SPSB4: variants seen among roughly 807,000 people sequenced by gnomAD.
The protein encoded by SPSB4 is SPRY domain-containing SOCS box protein 4.
Under a neutral mutation model 20.9 loss-of-function variants are expected in SPSB4, and 21 were observed. The ratio of observed to expected loss-of-function variants is 1.01; its 90% CI spans 0.71 to 1.45. The LOEUF (loss-of-function observed/expected upper bound fraction) is 1.45. Ranked by LOEUF, SPSB4 falls within the 40% of genes most tolerant of loss-of-function variation. The pLI, the probability that SPSB4 is intolerant of heterozygous loss-of-function variation, is 0.00. For missense variants in SPSB4, 399 were observed against 399.2 expected, an observed-to-expected ratio of 1.00 and a Z score of 0.00; for synonymous variants, 207 against 183.8, an observed-to-expected ratio of 1.13 and a Z score of -1.02.
chr3:141,089,548 TGGAG>T (rs1456349325), intron 2 of SPSB4, among the ~76,000 whole-genome samples: 1 of 151,028 alleles, frequency 6.6e-6, no homozygotes, highest in East Asian at 2.0e-4. Context: ...TGAACAAAGG[TGGAG>T]GGAGGAGATG....
chr3:141,067,375 C>A (rs1937908214), intron 2 of SPSB4, among the ~76,000 whole-genome samples: 1 of 152,198 alleles, frequency 6.6e-6, no homozygotes, highest in African/African-American at 2.4e-5. Context: ...CCTCTTATCT[C>A]CAGCCGACTG....
At chr3:141,103,166 C>T (rs1212634276) in intron 2 of SPSB4, among the ~76,000 whole-genome samples, 2 of 152,212 alleles carry the variant, frequency 1.3e-5, no homozygotes, top group Non-Finnish European at 2.9e-5. Context: ...CCTACACTGG[C>T]CTGGAGCCAT....
chr3:141,085,698 C>T (rs577501318), intron 2 of SPSB4, among the ~76,000 whole-genome samples: 11 of 152,354 alleles, frequency 7.2e-5, no homozygotes, highest in African/African-American at 2.4e-4. Flanking sequence ...ATTCTGCAGC[C>T]CAATCTTACG....
Position 141,066,318 on chromosome 3 carries a change from C to T in SPSB4, c.214C>T (p.Arg72Trp). ...SLNVFVKDDD[R>W]LTFHRHPVAQ... ...CAACGTCTTCGTCAAGGACGACGAC[C>T]GGCTCACCTTCCACCGGCACCCCGT... The change falls in exon 2 of 3, where the codon CGG becomes TGG. Residue 72 changes from arginine to tryptophan, a missense_variant. Coordinates refer to ENST00000310546, the MANE Select transcript of SPSB4 (RefSeq NM_080862.3). 1.3e-6 allele frequency: 2 copies of T among 1,572,760 alleles called. No homozygotes were observed. Among genetic ancestry groups the T allele is most frequent in the East Asian group, 2.4e-5 (1 of 41,888 alleles).
At chr3:141,069,258 C>G (rs958640208) in intron 2 of SPSB4, among the ~76,000 whole-genome samples, 1 of 152,180 alleles carries the variant, frequency 6.6e-6, no homozygotes, top group Non-Finnish European at 1.5e-5. Flanking sequence ...GGGACAATCT[C>G]TGACTCCAGA....
intron 2 of SPSB4, among the ~76,000 whole-genome samples, chr3:141,101,027 G>T (rs1294128337): frequency 1.3e-5 from 2 of 152,240 alleles, no homozygotes; most frequent in Non-Finnish European, 2.9e-5. Flanking sequence ...CTCCCAGACA[G>T]CAGAGGGCTG....
intron 2 of SPSB4, among the ~76,000 whole-genome samples, chr3:141,101,789 A>G (rs1938615978): frequency 6.6e-6 from 1 of 152,236 alleles, no homozygotes; most frequent in South Asian, 2.1e-4. Context: ...TAGAAGATGC[A>G]CCGATAACGT....
intron 2 of SPSB4, among the ~76,000 whole-genome samples, chr3:141,108,137 T>C (rs1173967970): frequency 6.6e-6 from 1 of 151,948 alleles, no homozygotes; most frequent in Admixed American, 6.5e-5. Flanking sequence ...TCTTACTGAA[T>C]TCACAGAGCT....
chr3:141,146,549 G>A (rs1325774157), intron 2 of SPSB4, among the ~76,000 whole-genome samples: 1 of 152,164 alleles, frequency 6.6e-6, no homozygotes, highest in Non-Finnish European at 1.5e-5. Context: ...GGCCGAGAAG[G>A]GCGATCACGA....
At chr3:141,076,241 G>T (rs977172158) in intron 2 of SPSB4, among the ~76,000 whole-genome samples, 2 of 152,200 alleles carry the variant, frequency 1.3e-5, no homozygotes, top group Non-Finnish European at 2.9e-5. Context: ...GGCCTTGCTT[G>T]GCCCTGCTCC....
chr3:141,062,905 T>C (rs1365525208), intron 1 of SPSB4, among the ~76,000 whole-genome samples: 1 of 152,158 alleles, frequency 6.6e-6, no homozygotes, highest in Non-Finnish European at 1.5e-5. Flanking sequence ...TTATTAATTA[T>C]GTAATTTGGT....
At chr3:141,054,879 G>T (rs942975071) in intron 1 of SPSB4, among the ~76,000 whole-genome samples, 9 of 152,182 alleles carry the variant, frequency 5.9e-5, no homozygotes, top group Admixed American at 2.6e-4. Context: ...GCAGGAGAAT[G>T]GCATGAACCT....
chr3:141,134,168 T>C (rs1310801737), intron 2 of SPSB4, among the ~76,000 whole-genome samples: 6 of 151,430 alleles, frequency 4.0e-5, no homozygotes, highest in African/African-American at 1.5e-4. Context: ...TGATTTTGTA[T>C]ACTGAAACTT....
At chr3:141,146,805 ACAT>A (rs1939419433) in intron 2 of SPSB4, among the ~76,000 whole-genome samples, 1 of 151,706 alleles carries the variant, frequency 6.6e-6, no homozygotes, top group South Asian at 2.1e-4. Context: ...CTGAACACCT[ACAT>A]CAGAGACCAG....
chr3:141,081,496 G>T (rs960008804), intron 2 of SPSB4, among the ~76,000 whole-genome samples: 1 of 152,162 alleles, frequency 6.6e-6, no homozygotes, highest in Non-Finnish European at 1.5e-5. Flanking sequence ...GAAAGATTTA[G>T]CCCAGATACC....
chr3:141,147,141 G>T lies in SPSB4; in HGVS notation c.695-1G>T. The T allele has an allele frequency of 6.2e-7, 1 of 1,613,936 alleles. No homozygotes were observed. Among genetic ancestry groups the T allele is most frequent in the Non-Finnish European group, 8.5e-7 (1 of 1,180,032 alleles). ...CTCTAACTGCTTCCCTCTCATTGCA[G>T]CCGAGCCCCTGCCACTGATGGACCT... On this transcript the variant is annotated splice_acceptor_variant, in intron 2 of 2. Coordinates refer to ENST00000310546, the MANE Select transcript of SPSB4 (RefSeq NM_080862.3). LOFTEE classifies it high-confidence loss of function.
intron 2 of SPSB4, among the ~76,000 whole-genome samples, chr3:141,143,744 C>G (rs1022562949): frequency 6.6e-6 from 1 of 152,208 alleles, no homozygotes; most frequent in African/African-American, 2.4e-5. Flanking sequence ...GTTGGTTGGC[C>G]TCCAGCCAGG....
At chr3:141,072,056 T>A (rs1428267638) in intron 2 of SPSB4, among the ~76,000 whole-genome samples, 1 of 152,258 alleles carries the variant, frequency 6.6e-6, no homozygotes, top group African/African-American at 2.4e-5. Flanking sequence ...ACATCTGGAC[T>A]TGGCCCCTCT....
chr3:141,075,122 G>A (rs1280585144), intron 2 of SPSB4, among the ~76,000 whole-genome samples: 1 of 152,190 alleles, frequency 6.6e-6, no homozygotes, highest in Non-Finnish European at 1.5e-5. Context: ...AGAATTCAAT[G>A]CAGTTTCTGA....
Sources: gnomAD v4.1 joint callset for allele counts (sites outside exome capture counted in the v4.1 genomes callset) on GRCh38, gnomAD v4.1.1 for gene constraint, MANE v1.5 for transcripts, NCBI Gene and HGNC (gene_info 2026-07-23, HGNC 2026-07-21) for gene names.